JAKMIP1: variants seen among roughly 807,000 people sequenced by gnomAD.
JAKMIP1 encodes janus kinase and microtubule interacting protein 1.
JAKMIP1 carries 33 observed loss-of-function variants against 113.0 expected under a neutral mutation model. The ratio of observed to expected loss-of-function variants is 0.29; its 90% CI spans 0.22 to 0.39. JAKMIP1 has a LOEUF of 0.39. Among genes scored for constraint, JAKMIP1 ranks in the 10% least tolerant of loss-of-function variants. The probability of loss-of-function intolerance (pLI) is 1.00; values close to 1 mark genes in which losing one functional copy is unlikely to be tolerated. For missense variants in JAKMIP1, 813 were observed against 1,080.5 expected, an observed-to-expected ratio of 0.75 and a Z score of 3.47; for synonymous variants, 480 against 459.9, an observed-to-expected ratio of 1.04 and a Z score of -0.56.
At chr4:6,134,783 T>A (rs1172783265) in intron 1 of JAKMIP1, among the ~76,000 whole-genome samples, 1 of 152,218 alleles carries the variant, frequency 6.6e-6, no homozygotes, top group East Asian at 1.9e-4. Flanking sequence ...CTTTCACACA[T>A]GCAAATACTG....
intron 1 of JAKMIP1, among the ~76,000 whole-genome samples, chr4:6,151,487 C>T (rs1721566962): frequency 6.6e-6 from 1 of 152,134 alleles, no homozygotes; most frequent in Non-Finnish European, 1.5e-5. Flanking sequence ...AGAAGGCCCT[C>T]TGCTTGCTTA....
In JAKMIP1 at chr4:6,180,548, C is replaced by T. The variant is rs2109039694; in HGVS notation, c.-148+19705G>A. On this transcript the variant is annotated intron_variant, in intron 1 of 20. Coordinates refer to ENST00000409021, the MANE Select transcript of JAKMIP1 (RefSeq NM_001099433.2). The surrounding 1 kb of genome is among the most constrained non-coding windows in gnomAD (Gnocchi z 4.5). ...TTTACTACAATTCAACAAACATGCA[C>T]CAAGTAATAAGTCACCATTTATATA... Among the ~76,000 whole-genome samples the T allele has an allele frequency of 6.6e-6, 1 of 152,294 alleles. No individual in the cohort carries two copies. Among genetic ancestry groups the T allele is most frequent in the East Asian group, 1.9e-4 (1 of 5,174 alleles).
In JAKMIP1 at chr4:6,179,884, G is replaced by A. The variant is rs1033707482; in HGVS notation, c.-148+20369C>T. ...GTCACTTTCTTAAAATCCATAGCTTGTAAATGACAGAGTCAGGACTTGAAC... is the reference window on the plus strand; with the variant it reads ...GTCACTTTCTTAAAATCCATAGCTTATAAATGACAGAGTCAGGACTTGAAC... On this transcript the variant is annotated intron_variant, in intron 1 of 20. Coordinates refer to ENST00000409021, the MANE Select transcript of JAKMIP1 (RefSeq NM_001099433.2). This position sits in a 1 kb window ranked among gnomAD's most constrained non-coding sequence, Gnocchi z 4.5. Among the ~76,000 whole-genome samples, 4 of 152,196 alleles carry A rather than the reference G, an allele frequency of 2.6e-5. No homozygotes were observed. Among genetic ancestry groups the A allele is most frequent in the Non-Finnish European group, 5.9e-5 (4 of 68,036 alleles).
rs947261823 is a variant in JAKMIP1, at chr4:6,026,272, A to G, written c.2452T>C (p.Phe818Leu). Reference sequence around the variant, plus strand: ...GCTAGTGAGAAAAACAAAAAAAGGAACAAAAACTATAAAATAATACCAAAA... The same window carrying G: ...GCTAGTGAGAAAAACAAAAAAAGGAGCAAAAACTATAAAATAATACCAAAA... ...HLKELEEKFL[F>L]LFLFFSLAFI... is the part of the protein sequence containing the mutation. Residue 818 changes from phenylalanine to leucine, a missense_variant, in exon 21 of 21, where the codon TTC becomes CTC. By Grantham distance (22) the Phe-to-Leu change is conservative. This residue lies in a region of JAKMIP1 where 273 missense variants were observed against 426.6 expected (regional missense o/e 0.64). Transcript: ENST00000409021. 2.1e-6 allele frequency: 3 copies of G among 1,440,850 alleles called. No homozygotes were observed. The highest frequency in any genetic ancestry group is 2.9e-6 in the Non-Finnish European group (3 of 1,049,728). The allele number at this position is 1,440,850 out of a possible 1,614,324, so 89.3% of individuals were successfully genotyped here. A position where few individuals can be genotyped will look rare whatever the true frequency, so the allele number is the denominator to read the frequency against.
chr4:6,120,517 C>A (rs561289930), intron 1 of JAKMIP1, among the ~76,000 whole-genome samples: 1 of 152,194 alleles, frequency 6.6e-6, no homozygotes, highest in South Asian at 2.1e-4. Context: ...CACTCAGAAA[C>A]AGCCCAGGCA....
chr4:6,105,966 A>G lies in JAKMIP1; in HGVS notation c.131T>C (p.Val44Ala). The G allele has an allele frequency of 6.3e-7, 1 of 1,579,386 alleles. No homozygotes were observed. The highest frequency in any genetic ancestry group is 8.6e-7 in the Non-Finnish European group (1 of 1,160,932). The change falls in exon 3 of 21, where the codon GTG becomes GCG. Residue 44 changes from valine (V) to alanine (A), a missense_variant and splice_region_variant. By Grantham distance (64) the Val-to-Ala change is moderately conservative. Coordinates refer to ENST00000409021, the MANE Select transcript of JAKMIP1 (RefSeq NM_001099433.2). Reference protein sequence around the residue: ...QIEFQQEKSKVGKLRERLQEA... With the variant: ...QIEFQQEKSKAGKLRERLQEA... ...CTGCAGCCGCTCGCGCAGTTTGCCC[A>G]CCTGCAGCCAGAGCGGCGAGAGAGC...
chr4:6,068,106 GCTCTGCAGGACTACCAGTTAAAGA>G (rs1560135922), intron 8 of JAKMIP1, among the ~76,000 whole-genome samples: 2 of 152,188 alleles, frequency 1.3e-5, no homozygotes, highest in African/African-American at 4.8e-5. Context: ...CACTGTGAAG[GCTCTGCAGGACTACCAGTTAAAGA>G]CTCAACTCTC....
Position 6,135,838 on chromosome 4 carries a change from T to G in JAKMIP1, c.-147-22841A>C, listed in dbSNP as rs1719154211. Among the ~76,000 whole-genome samples, 1 of 150,850 alleles carries G rather than the reference T, an allele frequency of 6.6e-6. No homozygotes were observed. The highest frequency in any genetic ancestry group is 1.5e-5 in the Non-Finnish European group (1 of 67,818). On this transcript the variant is annotated intron_variant, in intron 1 of 20. Coordinates refer to ENST00000409021, the MANE Select transcript of JAKMIP1 (RefSeq NM_001099433.2). This position sits in a 1 kb window ranked among gnomAD's most constrained non-coding sequence, Gnocchi z 4.9. ...CTCACACAGAACTTCTTACTAACAGTTTCAGATAGCCACCTAACACCTTGG... is the reference window on the plus strand; with the variant it reads ...CTCACACAGAACTTCTTACTAACAGGTTCAGATAGCCACCTAACACCTTGG...
chr4:6,139,628 T>A lies in JAKMIP1; in HGVS notation c.-147-26631A>T, dbSNP rs1329566091. Reference sequence around the variant, plus strand: ...TAAAAATACAAAAATTAGCCAGGTGTGGTGGCACACACCTGTAGTCCCAGC... The same window carrying A: ...TAAAAATACAAAAATTAGCCAGGTGAGGTGGCACACACCTGTAGTCCCAGC... On this transcript the variant is annotated intron_variant, in intron 1 of 20. Coordinates refer to ENST00000409021, the MANE Select transcript of JAKMIP1 (RefSeq NM_001099433.2). The surrounding 1 kb of genome is among the most constrained non-coding windows in gnomAD (Gnocchi z 5.2). Among the ~76,000 whole-genome samples, 1 of 151,850 alleles carries A rather than the reference T, an allele frequency of 6.6e-6. No individual in the cohort carries two copies. Among genetic ancestry groups the A allele is most frequent in the African/African-American group, 2.4e-5 (1 of 41,298 alleles).
Position 6,197,277 on chromosome 4 carries a change from C to T in JAKMIP1, c.-148+2976G>A, listed in dbSNP as rs1426234054. Among the ~76,000 whole-genome samples the T allele has an allele frequency of 6.6e-6, 1 of 152,186 alleles. No homozygotes were observed. The highest frequency in any genetic ancestry group is 1.5e-5 in the Non-Finnish European group (1 of 68,050). On this transcript the variant is annotated intron_variant, in intron 1 of 20. Transcript: ENST00000409021. This position sits in a 1 kb window ranked among gnomAD's most constrained non-coding sequence, Gnocchi z 6.5. Reference sequence around the variant, plus strand: ...AGCCTGGTCCCTCATACCTCTCAGCCCACCACAATGGTGGCCACTGCTCTG... The same window carrying T: ...AGCCTGGTCCCTCATACCTCTCAGCTCACCACAATGGTGGCCACTGCTCTG...
intron 1 of JAKMIP1, among the ~76,000 whole-genome samples, chr4:6,190,688 A>C (rs548145147): frequency 5.3e-5 from 8 of 152,318 alleles, no homozygotes; most frequent in African/African-American, 1.4e-4. Context: ...TGACAGTGTT[A>C]GCTGACGCCT....
At chr4:6,115,472 A>G (rs940154298) in intron 1 of JAKMIP1, among the ~76,000 whole-genome samples, 1 of 152,230 alleles carries the variant, frequency 6.6e-6, no homozygotes, top group African/African-American at 2.4e-5. Flanking sequence ...CTATATATAT[A>G]TTTGCTCATT....
chr4:6,182,672 A>G (rs1446760243), intron 1 of JAKMIP1, among the ~76,000 whole-genome samples: 1 of 152,192 alleles, frequency 6.6e-6, no homozygotes, highest in Non-Finnish European at 1.5e-5. Context: ...ATGGCAGCCA[A>G]ATGGTCTGAG....
intron 19 of JAKMIP1, among the ~76,000 whole-genome samples, chr4:6,034,908 G>T (rs1578042263): frequency 6.6e-6 from 1 of 152,232 alleles, no homozygotes; most frequent in East Asian, 1.9e-4. Context: ...CCTCCATAAT[G>T]TGTGTGTGTG....
intron 3 of JAKMIP1, among the ~76,000 whole-genome samples, chr4:6,087,741 CT>C (rs1721501342): frequency 6.6e-6 from 1 of 152,122 alleles, no homozygotes; most frequent in African/African-American, 2.4e-5. Flanking sequence ...GAGCTAGGTA[CT>C]AATTTGTACT....
chr4:6,036,239 A>C, intron 18 of JAKMIP1, 132 bp from the exon 19 acceptor site: 1 of 684,224 alleles, frequency 1.5e-6, no homozygotes, highest in Non-Finnish European at 2.5e-6. Context: ...GGCAGGGGCC[A>C]AGCACAGGGC....
chr4:6,041,913 G>T (rs1402899159), intron 17 of JAKMIP1, among the ~76,000 whole-genome samples: 4 of 152,174 alleles, frequency 2.6e-5, no homozygotes, highest in Admixed American at 2.6e-4. Flanking sequence ...TCATTACTAA[G>T]CCTCTAATCC....
chr4:6,080,061 C>A lies in JAKMIP1; in HGVS notation c.1242+111G>T. The A allele has an allele frequency of 3.8e-6, 5 of 1,307,454 alleles. No individual in the cohort carries two copies. Among genetic ancestry groups the A allele is most frequent in the Middle Eastern group, 2.5e-4 (1 of 4,022 alleles). 81.0% of individuals were successfully genotyped at this position (1,307,454 alleles called of 1,614,324 possible). A position where few individuals can be genotyped will look rare whatever the true frequency, so the allele number is the denominator to read the frequency against. On this transcript the variant is annotated intron_variant, in intron 7 of 20. Coordinates refer to ENST00000409021, the MANE Select transcript of JAKMIP1 (RefSeq NM_001099433.2). The surrounding 1 kb of genome is among the most constrained non-coding windows in gnomAD (Gnocchi z 6.0). ...GAGTCCCAAAGTCAGCACTGCCTGA[C>A]CCTGACCCAGCTCAGCAGCATCACC...
At position 6,140,428 on chromosome 4, in the gene JAKMIP1, C is replaced by A. The variant is rs1306798088; in HGVS notation, c.-147-27431G>T. On this transcript the variant is annotated intron_variant, in intron 1 of 20. Transcript: ENST00000409021. The surrounding 1 kb of genome is among the most constrained non-coding windows in gnomAD (Gnocchi z 9.4). ...CCCCAAAAGGCCCACCACAGACCCACCCCAGGAGTGTGTGCTCAGGTCCTG... is the reference window on the plus strand; with the variant it reads ...CCCCAAAAGGCCCACCACAGACCCAACCCAGGAGTGTGTGCTCAGGTCCTG... Among the ~76,000 whole-genome samples, 1 of 152,062 alleles carries A rather than the reference C, an allele frequency of 6.6e-6. No homozygotes were observed. Among genetic ancestry groups the A allele is most frequent in the African/African-American group, 2.4e-5 (1 of 41,364 alleles).
Sources: gnomAD v4.1 joint callset for allele counts (sites outside exome capture counted in the v4.1 genomes callset) on GRCh38, gnomAD v4.1.1 for gene constraint, gnomAD v4.1.1 regional missense constraint, Gnocchi (gnomAD v3.1) non-coding constraint, MANE v1.5 for transcripts, NCBI Gene and HGNC (gene_info 2026-07-23, HGNC 2026-07-21) for gene names.